The following HOMER2 variants were observed in gnomAD, a reference collection of about 807,000 sequenced individuals.
The protein encoded by HOMER2 is homer protein homolog 2.
A neutral mutation model predicts 47.0 loss-of-function variants in HOMER2; 27 were observed. The observed-to-expected ratio is 0.57, with a 90% CI of 0.42 to 0.79. The LOEUF (loss-of-function observed/expected upper bound fraction) is 0.79, where lower values mean the gene tolerates loss of function less well. Among genes scored for constraint, HOMER2 ranks in the 30% least tolerant of loss-of-function variants. The pLI, the probability that HOMER2 is intolerant of heterozygous loss-of-function variation, is 0.00. For synonymous variants in HOMER2, 161 were observed against 163.8 expected, an observed-to-expected ratio of 0.98 and a Z score of 0.13; for missense variants, 443 against 435.0, an observed-to-expected ratio of 1.02 and a Z score of -0.16.
rs2053987419 is a variant in HOMER2 at position 82,930,822 on chromosome 15, T to C, written c.5+21709A>G. On this transcript the variant is annotated intron_variant, in intron 1 of 8. Transcript: ENST00000450735. ...GGGTAGATCACTTGAGGTCTGGAGTTTGAGACCAGCCTGGCCAACATAATG... is the reference window on the plus strand; with the variant it reads ...GGGTAGATCACTTGAGGTCTGGAGTCTGAGACCAGCCTGGCCAACATAATG... Among the ~76,000 whole-genome samples the C allele has an allele frequency of 1.3e-5, 2 of 152,054 alleles. 1 individual carries two copies. Among genetic ancestry groups the C allele is most frequent in the South Asian group, 4.1e-4 (2 of 4,830 alleles).
chr15:82,850,533 T>G (rs1047032297), intron 8 of HOMER2, among the ~76,000 whole-genome samples: 6 of 152,166 alleles, frequency 3.9e-5, no homozygotes, highest in African/African-American at 1.4e-4. Flanking sequence ...CAGCTGTGAG[T>G]CCTTAAATGA....
Position 82,892,781 on chromosome 15 carries a change from C to T in HOMER2, c.66G>A (p.Lys22=), listed in dbSNP as rs771821197. 7.5e-6 allele frequency: 12 copies of T among 1,607,004 alleles called. No homozygotes were observed. The highest frequency in any genetic ancestry group is 1.7e-6 in the Non-Finnish European group (2 of 1,175,086). ...CCTGCTTGCTCGCAGGCATCCAGTTCTTCTTGGTGTTGGGGTCAATCTGGA... is the reference window on the plus strand; with the variant it reads ...CCTGCTTGCTCGCAGGCATCCAGTTTTTCTTGGTGTTGGGGTCAATCTGGA... ...HVFQIDPNTK[K]NWMPASKQAV... Residue 22 remains lysine, a synonymous_variant, in exon 2 of 9, where the codon AAG becomes AAA. Transcript: ENST00000450735.
In HOMER2 at chr15:82,854,811, G is replaced by C. The variant is rs372698417; in HGVS notation, c.495-11C>G. ...TTCACGTTGGCTGCGCTGCAGGACA[G>C]GGACGGGCGGTGACGACGGGGTGGG... On this transcript the variant is annotated splice_polypyrimidine_tract_variant and intron_variant, in intron 5 of 8. Coordinates refer to ENST00000450735, the MANE Select transcript of HOMER2 (RefSeq NM_004839.4). 9.4e-6 allele frequency: 15 copies of C among 1,603,770 alleles called. No homozygotes were observed. Among genetic ancestry groups the C allele is most frequent in the Non-Finnish European group, 1.3e-5 (15 of 1,177,668 alleles).
chr15:82,868,804 G>C (rs1036433393), intron 3 of HOMER2, among the ~76,000 whole-genome samples: 2 of 150,928 alleles, frequency 1.3e-5, no homozygotes, highest in Admixed American at 1.3e-4. Context: ...GCCTGTCTTG[G>C]CCTCCCAAAG....
intron 3 of HOMER2, among the ~76,000 whole-genome samples, chr15:82,872,391 T>A (rs1253676294): frequency 6.6e-6 from 1 of 152,138 alleles, no homozygotes; most frequent in African/African-American, 2.4e-5. Context: ...GTTTTGCCAA[T>A]ATTTGTGCCT....
chr15:82,898,898 TAAAAC>T (rs1160912174), intron 1 of HOMER2, among the ~76,000 whole-genome samples: 3 of 152,236 alleles, frequency 2.0e-5, no homozygotes, highest in Non-Finnish European at 4.4e-5. Context: ...TGATTTGAAT[TAAAAC>T]AAACCCTTCA....
Position 82,909,919 on chromosome 15 carries a change from G to A in HOMER2, c.6-17078C>T, listed in dbSNP as rs187213083. Among the ~76,000 whole-genome samples, 220 of 152,114 alleles carry A rather than the reference G, an allele frequency of 1.4e-3. 1 individual carries two copies. Among genetic ancestry groups the A allele is most frequent in the African/African-American group, 4.9e-3 (205 of 41,498 alleles). On this transcript the variant is annotated intron_variant, in intron 1 of 8. Transcript: ENST00000450735. ...GGAGGCCGGGACAGATAGATCACCC[G>A]AGGTCAGGAGTTTGAGACCAGCCTG... is the stretch of plus-strand genomic sequence containing the variant.
intron 3 of HOMER2, among the ~76,000 whole-genome samples, chr15:82,866,121 G>A (rs555151461): frequency 2.0e-5 from 3 of 152,362 alleles, no homozygotes; most frequent in African/African-American, 7.2e-5. Flanking sequence ...GCCCGTGAAA[G>A]CAGCCAGGAG....
chr15:82,902,322 T>A (rs2053148223), intron 1 of HOMER2, among the ~76,000 whole-genome samples: 1 of 151,776 alleles, frequency 6.6e-6, no homozygotes, highest in Admixed American at 6.6e-5. Flanking sequence ...CTCAGCTTCC[T>A]GAGTAGCTGT....
downstream of HOMER2, chr15:82,844,728 G>GCCCA (rs2051216041): frequency 1.3e-5 from 2 of 152,154 alleles, no homozygotes; most frequent in Non-Finnish European, 2.9e-5. Context: ...GTACTCTTGG[G>GCCCA]AGAGTTCACT....
At chr15:82,860,770 C>G (rs2051746188) in intron 4 of HOMER2, among the ~76,000 whole-genome samples, 1 of 151,960 alleles carries the variant, frequency 6.6e-6, no homozygotes, top group Admixed American at 6.6e-5. Flanking sequence ...AACCCTGTCT[C>G]TACTAAAATT....
exon 2 of HOMER2, chr15:82,839,624 A>G (rs2051156613): frequency 6.6e-6 from 1 of 152,248 alleles, no homozygotes; most frequent in African/African-American, 2.4e-5. Flanking sequence ...TCCCTTAAAT[A>G]TAAAAAGATC....
chr15:82,849,765 C>G lies in HOMER2; in HGVS notation c.982G>C (p.Asp328His). The G allele has an allele frequency of 6.2e-7, 1 of 1,613,912 alleles. No individual in the cohort carries two copies. Among genetic ancestry groups the G allele is most frequent in the South Asian group, 1.1e-5 (1 of 91,072 alleles). ...FLEVLDGKID[D>H]LHDFRRGLSK... Reference sequence around the variant, plus strand: ...AGCCCTCGGCGGAAGTCATGCAGGTCGTCAATCTTCCCGTCCAGCACCTCC... The same window carrying G: ...AGCCCTCGGCGGAAGTCATGCAGGTGGTCAATCTTCCCGTCCAGCACCTCC... Residue 328 changes from aspartate to histidine, a missense_variant, in exon 9 of 9, where the codon GAC becomes CAC. Transcript: ENST00000450735.
At chr15:82,938,913 TTCCTC>T (rs1326433728) in intron 1 of HOMER2, among the ~76,000 whole-genome samples, 1 of 152,140 alleles carries the variant, frequency 6.6e-6, no homozygotes, top group Non-Finnish European at 1.5e-5. Flanking sequence ...TCCTCCAGCC[TTCCTC>T]TGAGTCTCAT....
At chr15:82,893,490 G>A (rs922005271) in intron 1 of HOMER2, among the ~76,000 whole-genome samples, 9 of 151,700 alleles carry the variant, frequency 5.9e-5, no homozygotes, top group East Asian at 1.9e-4. Context: ...GTGCCACTGC[G>A]CTCAGCTAAT....
chr15:82,847,980 G>GGCT (rs2051276629), downstream of HOMER2, among the ~76,000 whole-genome samples: 2 of 152,168 alleles, frequency 1.3e-5, no homozygotes, highest in Admixed American at 1.3e-4. Flanking sequence ...TCACAAAGAT[G>GGCT]GCTGGCCACG....
intron 1 of HOMER2, among the ~76,000 whole-genome samples, chr15:82,970,456 A>G (rs2151257107): frequency 6.6e-6 from 1 of 152,352 alleles, no homozygotes; most frequent in South Asian, 2.1e-4. Context: ...TCAAGGCTAA[A>G]TTGGACTCCA....
intron 1 of HOMER2, among the ~76,000 whole-genome samples, chr15:82,950,743 T>C (rs1424403650): frequency 6.6e-6 from 1 of 152,240 alleles, no homozygotes; most frequent in Non-Finnish European, 1.5e-5. Context: ...ATGAAAGACA[T>C]ATTCTGTGTT....
chr15:82,907,082 C>T (rs576212290), intron 1 of HOMER2, among the ~76,000 whole-genome samples: 36 of 152,270 alleles, frequency 2.4e-4, no homozygotes, highest in Non-Finnish European at 3.2e-4. Context: ...AGGCTGGGTG[C>T]GGTGGCTCAC....
Sources: allele counts gnomAD v4.1 joint callset (sites outside exome capture counted in the v4.1 genomes callset), GRCh38; gene constraint gnomAD v4.1.1; transcripts MANE v1.5; gene names NCBI Gene and HGNC (gene_info 2026-07-23, HGNC 2026-07-21).